The following USP10 variants were observed in gnomAD, a reference collection of about 807,000 sequenced individuals.
The protein encoded by USP10 is ubiquitin carboxyl-terminal hydrolase 10.
A neutral mutation model predicts 84.5 loss-of-function variants in USP10; 22 were observed. The ratio of observed to expected loss-of-function variants is 0.26; its 90% CI spans 0.19 to 0.37. The LOEUF (loss-of-function observed/expected upper bound fraction) is 0.37, where lower values mean the gene tolerates loss of function less well. Ranked by LOEUF, USP10 falls within the 10% of genes least tolerant of loss-of-function variation. The pLI is 1.00. For synonymous variants in USP10, 454 were observed against 387.6 expected (o/e 1.17, Z -2.01); for missense variants, 1,019 against 998.9 (o/e 1.02, Z -0.27).
At chr16:84,707,977 T>C (rs1000319422) in intron 1 of USP10, among the ~76,000 whole-genome samples, 2 of 151,852 alleles carry the variant, frequency 1.3e-5, no homozygotes, top group Non-Finnish European at 2.9e-5. Context: ...ACTTGGGAGG[T>C]TGAGGTGGGA....
chr16:84,749,316 G>A (rs189989098), intron 4 of USP10, among the ~76,000 whole-genome samples: 71 of 152,298 alleles, frequency 4.7e-4, no homozygotes, highest in African/African-American at 1.5e-3. Context: ...GTTTAACTGA[G>A]TGAAAGTCTA....
At chr16:84,765,650 A>G (rs1438778827) in intron 10 of USP10, among the ~76,000 whole-genome samples, 1 of 152,068 alleles carries the variant, frequency 6.6e-6, no homozygotes, top group African/African-American at 2.4e-5. Flanking sequence ...TATACACACC[A>G]CAGTTTCTTT....
At chr16:84,741,532 C>A (rs536261932) in intron 3 of USP10, among the ~76,000 whole-genome samples, 42 of 152,248 alleles carry the variant, frequency 2.8e-4, no homozygotes, top group Non-Finnish European at 4.4e-5. Context: ...CACCCTCCTC[C>A]CTGTGCAGTG....
intron 10 of USP10, among the ~76,000 whole-genome samples, chr16:84,766,420 T>G (rs939691635): frequency 3.3e-5 from 5 of 152,212 alleles, no homozygotes; most frequent in African/African-American, 1.2e-4. Context: ...ACACGTCGTG[T>G]TGGGAGGGAG....
chr16:84,722,860 C>G (rs1337827753), intron 1 of USP10, among the ~76,000 whole-genome samples: 2 of 152,106 alleles, frequency 1.3e-5, no homozygotes, highest in African/African-American at 4.8e-5. Flanking sequence ...CCGGCTCAGT[C>G]GTCTTAATTT....
chr16:84,721,808 C>T (rs1318913815), intron 1 of USP10, among the ~76,000 whole-genome samples: 1 of 152,218 alleles, frequency 6.6e-6, no homozygotes, highest in Non-Finnish European at 1.5e-5. Flanking sequence ...AGCAATTCTC[C>T]TGCCTCAGCC....
intron 10 of USP10, among the ~76,000 whole-genome samples, chr16:84,764,872 C>T (rs540523047): frequency 1.4e-5 from 2 of 143,638 alleles, no homozygotes; most frequent in African/African-American, 2.6e-5. Flanking sequence ...GTCATCATGA[C>T]TTAGGGGTAG....
intron 11 of USP10, among the ~76,000 whole-genome samples, chr16:84,771,907 G>A (rs1367321727): frequency 1.3e-5 from 2 of 152,106 alleles, no homozygotes; most frequent in Non-Finnish European, 2.9e-5. Flanking sequence ...AAATAAGGTG[G>A]TACTAAGTTA....
intron 8 of USP10, among the ~76,000 whole-genome samples, chr16:84,761,901 A>G (rs1217039880): frequency 6.6e-6 from 1 of 152,270 alleles, no homozygotes. Flanking sequence ...TGGCTGTGCC[A>G]GTTTTTGCCC....
At chr16:84,747,814 G>C (rs1280264474) in intron 4 of USP10, among the ~76,000 whole-genome samples, 1 of 151,846 alleles carries the variant, frequency 6.6e-6, no homozygotes, top group African/African-American at 2.4e-5. Flanking sequence ...TGATCTGCTC[G>C]CTTCAGCCTC....
At chr16:84,738,610 T>C (rs1597339026) in intron 2 of USP10, among the ~76,000 whole-genome samples, 1 of 152,302 alleles carries the variant, frequency 6.6e-6, no homozygotes, top group East Asian at 1.9e-4. Flanking sequence ...CATCTCAGCA[T>C]ACAGAATGCT....
At chr16:84,775,958 C>G (rs1914968590) in intron 13 of USP10, among the ~76,000 whole-genome samples, 1 of 152,094 alleles carries the variant, frequency 6.6e-6, no homozygotes, top group Non-Finnish European at 1.5e-5. Flanking sequence ...GCTTCCCAGG[C>G]TGTTTTTACT....
At chr16:84,724,199 T>G (rs1908166304) in intron 1 of USP10, among the ~76,000 whole-genome samples, 2 of 152,194 alleles carry the variant, frequency 1.3e-5, no homozygotes, top group Non-Finnish European at 2.9e-5. Flanking sequence ...TAATGGCCAT[T>G]TTGTAATACA....
At chr16:84,778,755 T>G in intron 13 of USP10, 140 bp from the exon 14 acceptor site, 1 of 795,132 alleles carries the variant, frequency 1.3e-6, no homozygotes, top group South Asian at 1.9e-5. Flanking sequence ...TTGGTTTGTG[T>G]GATGACATCT....
In USP10 at chr16:84,759,865, A is replaced by G. The variant is rs369506104; in HGVS notation, c.1395-26A>G. ...AGTATATATTGTTTAAAACTGCACT[A>G]TTTAACATTTTTTCCCCATGTTTAG... On this transcript the variant is annotated intron_variant, in intron 6 of 13. Coordinates refer to ENST00000219473, the MANE Select transcript of USP10 (RefSeq NM_005153.3). 8.7e-6 allele frequency: 14 copies of G among 1,611,638 alleles called. No individual in the cohort carries two copies. In the African/African-American group the frequency reaches 1.3e-4, roughly 15 times the overall value.
chr16:84,753,302 C>G (rs1304850036), intron 4 of USP10, among the ~76,000 whole-genome samples: 2 of 152,116 alleles, frequency 1.3e-5, no homozygotes, highest in Non-Finnish European at 1.5e-5. Context: ...ATGTTTAAAA[C>G]TTGTCAAGAT....
At chr16:84,728,631 C>T (rs906496446) in intron 1 of USP10, among the ~76,000 whole-genome samples, 1 of 151,650 alleles carries the variant, frequency 6.6e-6, no homozygotes, top group Non-Finnish European at 1.5e-5. Context: ...GTCCGGCCTC[C>T]TTTTGTAGTT....
At chr16:84,702,916 C>T (rs1236243620) in intron 1 of USP10, among the ~76,000 whole-genome samples, 1 of 141,930 alleles carries the variant, frequency 7.0e-6, no homozygotes, top group African/African-American at 2.6e-5. Context: ...TCGCTTGAAC[C>T]CGGGAGGCGG....
At chr16:84,706,334 C>G (rs1332815738) in intron 1 of USP10, among the ~76,000 whole-genome samples, 1 of 151,974 alleles carries the variant, frequency 6.6e-6, no homozygotes, top group Non-Finnish European at 1.5e-5. Context: ...TACATTAAAA[C>G]AATTTTTTTA....
Sources: gnomAD v4.1 joint callset for allele counts (sites outside exome capture counted in the v4.1 genomes callset) on GRCh38, gnomAD v4.1.1 for gene constraint, MANE v1.5 for transcripts, NCBI Gene and HGNC (gene_info 2026-07-23, HGNC 2026-07-21) for gene names.